Variants in GNAI1 observed in about 807,000 individuals in gnomAD.
GNAI1 encodes G protein subunit alpha i1.
GNAI1 carries 11 observed loss-of-function variants against 38.9 expected under a neutral mutation model. That is an observed-to-expected ratio of 0.28 (90% CI 0.18 to 0.47). The LOEUF is 0.47. GNAI1 is among the 20% of genes least tolerant of loss of function. The pLI, the probability that GNAI1 is intolerant of heterozygous loss-of-function variation, is 0.99. For synonymous variants in GNAI1, 166 were observed against 145.1 expected (o/e 1.14, Z -1.04); for missense variants, 317 against 436.9 (o/e 0.73, Z 2.45).
intron 1 of GNAI1, among the ~76,000 whole-genome samples, chr7:80,174,635 ATG>A (rs1334566037): frequency 6.7e-6 from 1 of 148,476 alleles, no homozygotes; most frequent in Non-Finnish European, 1.5e-5. Context: ...ATTTTATTTT[ATG>A]TGTTATGTTT....
At chr7:80,210,881 A>C in intron 5 of GNAI1, 88 bp from the exon 6 acceptor site, 1 of 1,138,618 alleles carries the variant, frequency 8.8e-7, no homozygotes, top group Non-Finnish European at 1.3e-6. Flanking sequence ...TTCCACAACT[A>C]TTCAGAGCTT....
rs566051367 is a variant in GNAI1 at position 80,135,117 on chromosome 7, C to G, written c.-44C>G. ...GATTCCCCTGTGCTTGGAGCCCGCA[C>G]TCGGGCGCGGAGGGAGCGGCGGCAG... On this transcript the variant is annotated 5_prime_UTR_variant, in exon 1 of 8. Coordinates refer to ENST00000649796, the MANE Select transcript of GNAI1 (RefSeq NM_002069.6). 3.7e-6 allele frequency: 5 copies of G among 1,351,574 alleles called. No homozygotes were observed. The highest frequency in any genetic ancestry group is 5.0e-6 in the Non-Finnish European group (5 of 1,009,106). The allele number at this position is 1,351,574 out of a possible 1,614,324, so 83.7% of individuals were successfully genotyped here. A position where few individuals can be genotyped will look rare whatever the true frequency, so the allele number is the denominator to read the frequency against.
intron 1 of GNAI1, among the ~76,000 whole-genome samples, chr7:80,162,057 G>A (rs145664009): frequency 6.6e-6 from 1 of 152,202 alleles, no homozygotes; most frequent in East Asian, 1.9e-4. Context: ...TGGAGGTGGG[G>A]CATTTGGGAG....
intron 4 of GNAI1, 118 bp downstream of exon 4, chr7:80,199,500 T>A (rs1788642087): frequency 2.8e-6 from 2 of 705,016 alleles, no homozygotes; most frequent in Non-Finnish European, 4.6e-6. Context: ...ACTTAGGATA[T>A]TCAGGATGAC....
At chr7:80,159,557 T>C (rs972380109) in intron 1 of GNAI1, among the ~76,000 whole-genome samples, 1 of 152,210 alleles carries the variant, frequency 6.6e-6, no homozygotes, top group Admixed American at 6.5e-5. Context: ...ATACGTTGTG[T>C]ACATGATTGA....
At chr7:80,155,695 G>A (rs1787806043) in intron 1 of GNAI1, among the ~76,000 whole-genome samples, 1 of 151,814 alleles carries the variant, frequency 6.6e-6, no homozygotes, top group Non-Finnish European at 1.5e-5. Flanking sequence ...CATTCCAGGA[G>A]GAATGATAGC....
chr7:80,213,836 C>CTTCCTG (rs1788914304), intron 7 of GNAI1, among the ~76,000 whole-genome samples: 3 of 143,594 alleles, frequency 2.1e-5, no homozygotes, highest in Admixed American at 1.4e-4. Flanking sequence ...TCACCCCACT[C>CTTCCTG]TTCCTGTTTT....
In GNAI1 at chr7:80,224,142, AAT is replaced by A. The variant is rs1455749770; in HGVS notation, c.*6652_*6653del. ...AACCACGAACTCCTCCATTATTTAAAATATGTTAGAGATACATAAATATATAG... is the reference window on the plus strand; with the variant it reads ...AACCACGAACTCCTCCATTATTTAAAATGTTAGAGATACATAAATATATAG... On this transcript the variant is annotated 3_prime_UTR_variant, in exon 8 of 8. Coordinates refer to ENST00000649796, the MANE Select transcript of GNAI1 (RefSeq NM_002069.6). Among the ~76,000 whole-genome samples the A allele has an allele frequency of 2.0e-5, 3 of 152,226 alleles. No individual in the cohort carries two copies. The highest frequency in any genetic ancestry group is 7.2e-5 in the African/African-American group (3 of 41,474).
At chr7:80,179,252 T>C (rs1455427809) in intron 1 of GNAI1, among the ~76,000 whole-genome samples, 1 of 152,220 alleles carries the variant, frequency 6.6e-6, no homozygotes, top group Non-Finnish European at 1.5e-5. Flanking sequence ...TTAGTGGCTC[T>C]CCATCTTTAG....
At position 80,168,902 on chromosome 7, in the gene GNAI1, C is replaced by A. The variant is rs182935587; in HGVS notation, c.119-20049C>A. Among the ~76,000 whole-genome samples, 29 of 152,274 alleles carry A rather than the reference C, an allele frequency of 1.9e-4. No individual in the cohort carries two copies. The East Asian group carries it at 5.4e-3, about 28-fold the overall frequency. ...TGGTTTGACTAAAAATATTTTATTA[C>A]AGGTTTTTCTTTTTGATGATGTTAG... On this transcript the variant is annotated intron_variant, in intron 1 of 7. Coordinates refer to ENST00000649796, the MANE Select transcript of GNAI1 (RefSeq NM_002069.6).
chr7:80,193,200 A>G (rs1788512071), intron 3 of GNAI1, among the ~76,000 whole-genome samples: 1 of 152,170 alleles, frequency 6.6e-6, no homozygotes, highest in Non-Finnish European at 1.5e-5. Context: ...CTTGAGAGCC[A>G]GCTTAATTCC....
chr7:80,214,595 C>G (rs1788928706), intron 7 of GNAI1, among the ~76,000 whole-genome samples: 1 of 152,162 alleles, frequency 6.6e-6, no homozygotes, highest in African/African-American at 2.4e-5. Flanking sequence ...TTACATAATT[C>G]TTTCACATCC....
rs1382055191 is a variant in GNAI1, at chr7:80,135,053, C to A, written c.-108C>A. ...GAAGTGGTGGGGGCGGCGTGGCCCC[C>A]GTCGGGAGGCGTTCGAACGCCCGCT... On this transcript the variant is annotated 5_prime_UTR_variant, in exon 1 of 8. Transcript: ENST00000649796. The A allele has an allele frequency of 4.4e-5, 26 of 594,260 alleles. No homozygotes were observed. The highest frequency in any genetic ancestry group is 6.0e-5 in the Non-Finnish European group (23 of 382,468). 36.8% of individuals were successfully genotyped at this position (594,260 alleles called of 1,614,324 possible). A position where few individuals can be genotyped will look rare whatever the true frequency, so the allele number is the denominator to read the frequency against.
rs1789040916 is a variant in GNAI1, at chr7:80,219,823, C to CT, written c.*2331dup. Among the ~76,000 whole-genome samples the CT allele has an allele frequency of 6.6e-6, 1 of 152,042 alleles. No homozygotes were observed. The highest frequency in any genetic ancestry group is 6.6e-5 in the Admixed American group (1 of 15,266). ...TTTGCTGCACCTATCAACCTGTCAT[C>CT]TAAGTTTTAAGCCCTGCATGCATTA... On this transcript the variant is annotated 3_prime_UTR_variant, in exon 8 of 8. Coordinates refer to ENST00000649796, the MANE Select transcript of GNAI1 (RefSeq NM_002069.6).
intron 5 of GNAI1, among the ~76,000 whole-genome samples, chr7:80,204,253 G>A (rs141276975): frequency 3.3e-4 from 50 of 151,974 alleles, no homozygotes; most frequent in African/African-American, 1.1e-3. Flanking sequence ...CAATTTTTTC[G>A]TGAACAGTTT....
chr7:80,153,289 C>T (rs1787759939), intron 1 of GNAI1, among the ~76,000 whole-genome samples: 1 of 151,982 alleles, frequency 6.6e-6, no homozygotes, highest in South Asian at 2.1e-4. Context: ...TTAATATGGC[C>T]ATAATATAGT....
intron 3 of GNAI1, among the ~76,000 whole-genome samples, chr7:80,191,257 C>T (rs1165766140): frequency 6.6e-6 from 1 of 151,968 alleles, no homozygotes; most frequent in Non-Finnish European, 1.5e-5. Context: ...CTAAGGAATA[C>T]AAAGACGAAT....
rs1048238702 is a variant in GNAI1, at chr7:80,225,642, A to G, written c.*8149A>G. Among the ~76,000 whole-genome samples, 14 of 152,326 alleles carry G rather than the reference A, an allele frequency of 9.2e-5. No homozygotes were observed. Among genetic ancestry groups the G allele is most frequent in the Admixed American group, 9.1e-4 (14 of 15,308 alleles). ...ATTTGCTATCTGCAGGACTTAAATC[A>G]GGATAGAGTATCAAATATTCCAAGG... On this transcript the variant is annotated 3_prime_UTR_variant, in exon 8 of 8. Transcript: ENST00000649796.
intron 1 of GNAI1, among the ~76,000 whole-genome samples, chr7:80,139,513 T>G (rs1787485403): frequency 6.6e-6 from 1 of 152,218 alleles, no homozygotes; most frequent in African/African-American, 2.4e-5. Flanking sequence ...CCAGCCTATT[T>G]TCCTACTGCT....
Sources: allele counts gnomAD v4.1 joint callset (sites outside exome capture counted in the v4.1 genomes callset), GRCh38; gene constraint gnomAD v4.1.1; transcripts MANE v1.5; gene names NCBI Gene and HGNC (gene_info 2026-07-23, HGNC 2026-07-21).